Variants in RARB observed in about 807,000 individuals in gnomAD.
RARB encodes the protein HBV-activated protein.
RARB carries 17 observed loss-of-function variants against 51.9 expected under a neutral mutation model. The ratio of observed to expected loss-of-function variants is 0.33; its 90% confidence interval spans 0.22 to 0.49. The LOEUF (loss-of-function observed/expected upper bound fraction) is 0.49, where lower values mean the gene tolerates loss of function less well. Among genes scored for constraint, RARB ranks in the 20% least tolerant of loss-of-function variants. The probability of loss-of-function intolerance (pLI) is 0.99; values close to 1 mark genes in which losing one functional copy is unlikely to be tolerated. For missense variants in RARB, 369 were observed against 550.8 expected (o/e 0.67, Z 3.30); for synonymous variants, 215 against 195.4 (o/e 1.10, Z -0.84).
At chr3:25,425,052 G>A (rs1256297659), upstream of RARB, among the ~76,000 whole-genome samples, 2 of 152,090 alleles carry the variant, frequency 1.3e-5, no homozygotes, top group Non-Finnish European at 2.9e-5. Flanking sequence ...TTGCTTGTTG[G>A]TTGGAAATAC....
intron 2 of RARB, among the ~76,000 whole-genome samples, chr3:24,923,613 C>G (rs560462678): frequency 1.3e-5 from 2 of 152,130 alleles, no homozygotes; most frequent in African/African-American, 4.8e-5. Context: ...CCTCAGTGGA[C>G]TTAGCACTAA....
intron 2 of RARB, among the ~76,000 whole-genome samples, chr3:24,985,507 A>G (rs1034041337): frequency 2.0e-5 from 3 of 152,190 alleles, no homozygotes; most frequent in Non-Finnish European, 4.4e-5. Flanking sequence ...GCACAAAGCA[A>G]TTTTACCTTA....
chr3:25,124,125 A>C (rs1345217420), intron 3 of RARB, among the ~76,000 whole-genome samples: 1 of 152,192 alleles, frequency 6.6e-6, no homozygotes, highest in African/African-American at 2.4e-5. Flanking sequence ...CTGTAATCCT[A>C]GCACTTTGGG....
chr3:25,019,570 A>G (rs1697584585), intron 2 of RARB, among the ~76,000 whole-genome samples: 1 of 152,064 alleles, frequency 6.6e-6, no homozygotes, highest in Non-Finnish European at 1.5e-5. Context: ...TTAATACATG[A>G]TGTGCTGTGA....
At chr3:25,310,921 C>T (rs183974219) in intron 5 of RARB, among the ~76,000 whole-genome samples, 23 of 152,182 alleles carry the variant, frequency 1.5e-4, no homozygotes, top group East Asian at 9.7e-4. Flanking sequence ...GTTTATATTC[C>T]GTGCCAAGCA....
At chr3:24,881,101 T>G (rs1169248202) in intron 2 of RARB, among the ~76,000 whole-genome samples, 2 of 152,162 alleles carry the variant, frequency 1.3e-5, no homozygotes, top group Non-Finnish European at 2.9e-5. Flanking sequence ...GGTGATGGTT[T>G]GAAAGATGTT....
At chr3:25,132,280 T>C (rs1699966386) in intron 4 of RARB, among the ~76,000 whole-genome samples, 1 of 151,882 alleles carries the variant, frequency 6.6e-6, no homozygotes, top group Admixed American at 6.6e-5. Context: ...GCAATTGCTA[T>C]TATAATTATA....
chr3:25,033,144 A>T (rs1417526385), intron 2 of RARB, among the ~76,000 whole-genome samples: 1 of 152,168 alleles, frequency 6.6e-6, no homozygotes, highest in East Asian at 1.9e-4. Flanking sequence ...GATGTAGATC[A>T]TATTAATGAT....
At chr3:24,883,833 C>G (rs1703218944) in intron 2 of RARB, among the ~76,000 whole-genome samples, 1 of 152,040 alleles carries the variant, frequency 6.6e-6, no homozygotes, top group South Asian at 2.1e-4. Flanking sequence ...GGGAAAAAGT[C>G]AATGATTCTT....
chr3:25,505,274 T>C (rs1014254351), intron 3 of RARB, among the ~76,000 whole-genome samples: 2 of 152,140 alleles, frequency 1.3e-5, no homozygotes, highest in African/African-American at 4.8e-5. Context: ...GGCAGTTTGA[T>C]GAGAAAGTCT....
At chr3:25,077,500 A>G (rs1185565522) in intron 3 of RARB, among the ~76,000 whole-genome samples, 3 of 152,098 alleles carry the variant, frequency 2.0e-5, no homozygotes, top group Non-Finnish European at 4.4e-5. Flanking sequence ...AGATTCATCC[A>G]TGTCGTTGTA....
At chr3:25,337,696 A>G (rs922543599) in intron 5 of RARB, among the ~76,000 whole-genome samples, 5 of 152,096 alleles carry the variant, frequency 3.3e-5, no homozygotes, top group Non-Finnish European at 7.4e-5. Flanking sequence ...CCTCATTAAG[A>G]TACCCTCAGC....
intron 5 of RARB, among the ~76,000 whole-genome samples, chr3:25,270,919 G>C (rs780562573): frequency 6.6e-6 from 1 of 152,224 alleles, no homozygotes; most frequent in Non-Finnish European, 1.5e-5. Context: ...GGTAAGTTTT[G>C]TGTCGGGGCT....
chr3:24,895,881 A>G (rs113240443), intron 2 of RARB, among the ~76,000 whole-genome samples: 146 of 152,314 alleles, frequency 9.6e-4, no homozygotes, highest in African/African-American at 3.3e-3. Flanking sequence ...CCAAAAATTG[A>G]AAGCAGGGAT....
chr3:25,434,878 T>A (rs766961216), intron 1 of RARB, among the ~76,000 whole-genome samples: 1 of 152,070 alleles, frequency 6.6e-6, no homozygotes, highest in Non-Finnish European at 1.5e-5. Flanking sequence ...CCCATCCCCA[T>A]CTGCATCAGA....
intron 3 of RARB, among the ~76,000 whole-genome samples, chr3:25,110,750 C>T (rs1699588013): frequency 6.6e-6 from 1 of 152,130 alleles, no homozygotes; most frequent in African/African-American, 2.4e-5. Flanking sequence ...TATTGTAGCT[C>T]AGTTTAAACC....
In RARB at chr3:25,294,909, G is replaced by C. The variant is rs2125424044; in HGVS notation, c.178+120334G>C. 1.3e-5 allele frequency among the ~76,000 whole-genome samples: 2 copies of C among 152,288 alleles called. 1 individual carries two copies. The highest frequency in any genetic ancestry group is 4.8e-5 in the African/African-American group (2 of 41,556). ...TTACCCTGCTCTGGTCTTTATCACA[G>C]GGTATCGAGGTGTATACACAGATAA... On this transcript the variant is annotated intron_variant, in intron 5 of 11. Transcript: ENST00000383772.
At chr3:25,259,806 A>G (rs1702953279) in intron 5 of RARB, 6 of 636,644 alleles carry the variant, frequency 9.4e-6, no homozygotes, top group Non-Finnish European at 9.8e-6. Flanking sequence ...ACCCAAAGTC[A>G]TCTTCTTCCT....
intron 4 of RARB, among the ~76,000 whole-genome samples, chr3:25,580,191 G>A (rs750138249): frequency 6.6e-6 from 1 of 152,232 alleles, no homozygotes; most frequent in Non-Finnish European, 1.5e-5. Flanking sequence ...TGGCTAACAC[G>A]GTGAAACCCT....
Sources: gnomAD v4.1 joint callset for allele counts (sites outside exome capture counted in the v4.1 genomes callset) on GRCh38, gnomAD v4.1.1 for gene constraint, MANE v1.5 for transcripts, NCBI Gene and HGNC (gene_info 2026-07-23, HGNC 2026-07-21) for gene names.